The following ZNF497 variants were observed in gnomAD, a reference collection of about 807,000 sequenced individuals.
The protein encoded by ZNF497 is zinc finger-like protein.
For synonymous variants in ZNF497, 422 were observed against 313.7 expected (o/e 1.35, Z -3.65); for missense variants, 930 against 714.0 (o/e 1.30, Z -3.45).
In ZNF497 at chr19:58,356,598, C is replaced by CAGGAAATT. The variant is rs1402391828; in HGVS notation, c.1037_1038insAATTTCCT (p.Glu347IlefsTer31). On this transcript the variant is annotated frameshift_variant, in exon 3 of 3. Transcript: ENST00000311044. LOFTEE classifies it low-confidence loss of function (END_TRUNC). ...CGCCCGTGTGCACGCGCCGGTGCTC[C>CAGGAAATT]GCCAGGTAGGAGCCCATGACGAAAG... The CAGGAAATT allele has an allele frequency of 1.3e-6, 2 of 1,545,454 alleles. No individual in the cohort carries two copies. Among genetic ancestry groups the CAGGAAATT allele is most frequent in the African/African-American group, 1.4e-5 (1 of 72,966 alleles).
rs768977500 is a variant in ZNF497, at chr19:58,356,915, T to A, written c.721A>T (p.Thr241Ser). 6.3e-7 allele frequency: 1 copy of A among 1,593,540 alleles called. No individual in the cohort carries two copies. Among genetic ancestry groups the A allele is most frequent in the Admixed American group, 1.7e-5 (1 of 57,816 alleles). ...CGGCAGGCGTGCGGCCGCGCGCCCG[T>A]GTGCACGCGCCGGTGCTCCAGGAAA... Reference protein sequence around the residue: ...SNFLEHRRVHTGARPHACRDC... With the variant: ...SNFLEHRRVHSGARPHACRDC... Residue 241 changes from threonine to serine, a missense_variant, in exon 3 of 3, where the codon ACG becomes TCG. By Grantham distance (58) the Thr-to-Ser change is moderately conservative. Coordinates refer to ENST00000311044, the MANE Select transcript of ZNF497 (RefSeq NM_198458.3).
chr19:58,360,767 C>CTTTTTTT lies in ZNF497; in HGVS notation c.-112+1903_-112+1909dup, dbSNP rs551580074. On this transcript the variant is annotated intron_variant, in intron 1 of 2. Transcript: ENST00000311044. Reference sequence around the variant, plus strand: ...ATGTTGGCCAGGCTGGTCCCGAACTCTTTTTTTTTTTTTTTTTTTTTTTTT... The same window carrying CTTTTTTT: ...ATGTTGGCCAGGCTGGTCCCGAACTCTTTTTTTTTTTTTTTTTTTTTTTTTTTTTTTT... Among the ~76,000 whole-genome samples the CTTTTTTT allele has an allele frequency of 5.8e-4, 20 of 34,528 alleles. 8 individuals carry two copies. Among genetic ancestry groups the CTTTTTTT allele is most frequent in the Admixed American group, 9.3e-4 (2 of 2,142 alleles). 22.7% of individuals were successfully genotyped at this position (34,528 alleles called of 152,430 possible).
At chr19:58,359,179 G>A (rs1159547110) in intron 1 of ZNF497, 4 of 1,290,554 alleles carry the variant, frequency 3.1e-6, no homozygotes, top group Non-Finnish European at 4.0e-6. Flanking sequence ...CAGGGCTCTT[G>A]GAGCTGGGCT....
rs939638043 is a variant in ZNF497, at chr19:58,357,312, G to T, written c.324C>A (p.Cys108Ter). The T allele has an allele frequency of 2.5e-6, 4 of 1,606,712 alleles. No homozygotes were observed. The African/African-American group carries it at 4.0e-5, about 16-fold the overall frequency. ...SPLPEEPGCR[C>*]GECGKAFSQG... is the part of the protein sequence containing the mutation. ...GGCTGAACGCCTTGCCGCACTCCCCGCACCGGCAGCCCGGCTCCTCTGGGA... is the reference window on the plus strand; with the variant it reads ...GGCTGAACGCCTTGCCGCACTCCCCTCACCGGCAGCCCGGCTCCTCTGGGA... The change falls in exon 3 of 3, where the codon TGC becomes TGA. Residue 108 changes from cysteine (C) to a stop codon, truncating the protein, a stop_gained. Coordinates refer to ENST00000311044, the MANE Select transcript of ZNF497 (RefSeq NM_198458.3). LOFTEE classifies it low-confidence loss of function (END_TRUNC).
At chr19:58,361,674 C>G (rs978854448) in intron 1 of ZNF497, among the ~76,000 whole-genome samples, 1 of 152,100 alleles carries the variant, frequency 6.6e-6, no homozygotes, top group Non-Finnish European at 1.5e-5. Flanking sequence ...TTTCAAGATG[C>G]CACCTTTAGG....
chr19:58,360,796 T>TTG (rs2052084487), intron 1 of ZNF497, among the ~76,000 whole-genome samples: 2 of 129,158 alleles, frequency 1.5e-5, no homozygotes, highest in Non-Finnish European at 3.3e-5. Context: ...TTTTTTTTTT[T>TTG]TTTTGAGAAG....
In ZNF497 at chr19:58,354,507, G is replaced by A. The variant is rs545554762; in HGVS notation, c.*1632C>T. The stretch of plus-strand genomic sequence containing the variant: ...AGTGAGAAGGAGCAGAGGAGACCAG[G>A]AGTTGAGGCGACTGCAGAGCGATTG... On this transcript the variant is annotated 3_prime_UTR_variant, in exon 3 of 3. Coordinates refer to ENST00000311044, the MANE Select transcript of ZNF497 (RefSeq NM_198458.3). The A allele has an allele frequency of 6.6e-6, 1 of 152,520 alleles. No individual in the cohort carries two copies. Among genetic ancestry groups the A allele is most frequent in the African/African-American group, 2.4e-5 (1 of 41,586 alleles). The allele number at this position is 152,520 out of a possible 1,614,324, so 9.4% of individuals were successfully genotyped here.
Position 58,362,688 on chromosome 19 carries a change from C to T in ZNF497, c.-123G>A, listed in dbSNP as rs985537386. ...TCGGCGTCACTCACCGTCCTCGGCC[C>T]GCCTCTGCGTCCACTAGGAGCGGCC... is the stretch of plus-strand genomic sequence containing the variant. On this transcript the variant is annotated 5_prime_UTR_variant, in exon 1 of 3. Transcript: ENST00000311044. The T allele has an allele frequency of 2.0e-5, 3 of 152,130 alleles. No homozygotes were observed. The highest frequency in any genetic ancestry group is 7.2e-5 in the African/African-American group (3 of 41,446). 9.4% of individuals were successfully genotyped at this position (152,130 alleles called of 1,614,324 possible). A position where few individuals can be genotyped will look rare whatever the true frequency, so the allele number is the denominator to read the frequency against.
rs200449577 is a variant in ZNF497 at position 58,356,799 on chromosome 19, G to A, written c.837C>T (p.Cys279=). 9.4e-4 allele frequency: 1,486 copies of A among 1,578,866 alleles called. 18 individuals carry two copies. In the African/African-American group the frequency reaches 0.018, roughly 19 times the overall value. Residue 279 remains cysteine, a synonymous_variant, in exon 3 of 3, where the codon TGC becomes TGT. Coordinates refer to ENST00000311044, the MANE Select transcript of ZNF497 (RefSeq NM_198458.3). The part of the protein sequence containing the change: ...AGARPHACPD[C]GKAFVRVAGL... ...CCGCCACACGCACGAAGGCCTTGCC[G>A]CAGTCGGGACAGGCGTGTGGCCGTG...
intron 1 of ZNF497, among the ~76,000 whole-genome samples, chr19:58,360,250 C>T (rs1682332771): frequency 6.6e-6 from 1 of 152,038 alleles, no homozygotes; most frequent in Non-Finnish European, 1.5e-5. Flanking sequence ...ACTGAATATA[C>T]CAAAAACCAC....
Position 58,357,570 on chromosome 19 carries a change from C to G in ZNF497, c.66G>C (p.Val22=). 2.5e-6 allele frequency: 4 copies of G among 1,596,746 alleles called. No individual in the cohort carries two copies. Among genetic ancestry groups the G allele is most frequent in the Non-Finnish European group, 3.4e-6 (4 of 1,172,386 alleles). Residue 22 remains valine, a synonymous_variant, in exon 3 of 3, where the codon GTG becomes GTC. Transcript: ENST00000311044. ...APEEGQVLCN[V]KTATRGLSEG... is the part of the protein sequence containing the mutation. Reference sequence around the variant, plus strand: ...CAGAGAGGCCCCTCGTGGCAGTCTTCACATTGCAGAGGACCTGGCCTTCCT... The same window carrying G: ...CAGAGAGGCCCCTCGTGGCAGTCTTGACATTGCAGAGGACCTGGCCTTCCT...
chr19:58,356,611 C>T lies in ZNF497; in HGVS notation c.1025G>A (p.Gly342Asp), dbSNP rs1211946849. The change falls in exon 3 of 3, where the codon GGC becomes GAC. Residue 342 changes from glycine (G) to aspartate (D), a missense_variant. Transcript: ENST00000311044. ...CAECGQAFVM[G>D]SYLAEHRRVH... ...GCGCCGGTGCTCCGCCAGGTAGGAG[C>T]CCATGACGAAAGCCTGGCCGCACTC... 1.3e-6 allele frequency: 2 copies of T among 1,540,794 alleles called. No individual in the cohort carries two copies. The highest frequency in any genetic ancestry group is 1.2e-5 in the South Asian group (1 of 84,540).
rs535537584 is a variant in ZNF497 at position 58,356,325 on chromosome 19, A to G, written c.1311T>C (p.Ser437=). Residue 437 remains serine (S), a synonymous_variant, in exon 3 of 3, where the codon TCT becomes TCC. Transcript: ENST00000311044. The part of the protein sequence containing the change: ...SELRQHQRLH[S]GERPFVCAHC... ...GGGCGCAGACGAACGGCCTCTCGCCAGAGTGCAGGCGCTGGTGCTGGCGCA... is the reference window on the plus strand; with the variant it reads ...GGGCGCAGACGAACGGCCTCTCGCCGGAGTGCAGGCGCTGGTGCTGGCGCA... 3.2e-6 allele frequency: 5 copies of G among 1,572,558 alleles called. No individual in the cohort carries two copies. The highest frequency in any genetic ancestry group is 3.7e-5 in the Admixed American group (2 of 53,944).
rs753411405 is a variant in ZNF497, at chr19:58,356,305, C to T, written c.1331G>A (p.Cys444Tyr). ...RLHSGERPFV[C>Y]AHCSKAFVRK... ...CACGAAGGCCTTGCTGCAGTGGGCG[C>T]AGACGAACGGCCTCTCGCCAGAGTG... is the stretch of plus-strand genomic sequence containing the variant. Residue 444 changes from cysteine (C) to tyrosine (Y), a missense_variant, in exon 3 of 3, where the codon TGC becomes TAC. Transcript: ENST00000311044. 102 of 1,585,710 alleles carry T rather than the reference C, an allele frequency of 6.4e-5. No homozygotes were observed. Among genetic ancestry groups the T allele is most frequent in the Non-Finnish European group, 8.3e-5 (97 of 1,167,574 alleles).
rs2052016574 is a variant in ZNF497, at chr19:58,356,247, C to A, written c.1389G>T (p.Thr463=). 1 of 1,606,128 alleles carries A rather than the reference C, an allele frequency of 6.2e-7. No homozygotes were observed. The highest frequency in any genetic ancestry group is 8.5e-7 in the Non-Finnish European group (1 of 1,176,954). The change falls in exon 3 of 3, where the codon ACG becomes ACT. Residue 463 remains threonine, a synonymous_variant. Transcript: ENST00000311044. ...AAGCGTAGGGCCTCTCGCCCGTGTG[C>A]GTGCGCCGGTGGCTTAAGAGCTCCG... The part of the protein sequence containing the change: ...RKSELLSHRR[T]HTGERPYACG...
Position 58,356,733 on chromosome 19 carries a change from G to A in ZNF497, c.903C>T (p.Pro301=). Residue 301 remains proline (P), a synonymous_variant, in exon 3 of 3, where the codon CCC becomes CCT. Transcript: ENST00000311044. Reference sequence around the variant, plus strand: ...CCTTTCCGCACTCGGCGCAGGGGAAGGGCTTCTCGCTGCTGTGCGTGCGCC... The same window carrying A: ...CCTTTCCGCACTCGGCGCAGGGGAAAGGCTTCTCGCTGCTGTGCGTGCGCC... ...QHRRTHSSEK[P]FPCAECGKAF... 1.3e-6 allele frequency: 2 copies of A among 1,571,628 alleles called. No individual in the cohort carries two copies. Among genetic ancestry groups the A allele is most frequent in the Non-Finnish European group, 1.7e-6 (2 of 1,165,540 alleles).
chr19:58,357,070 G>T lies in ZNF497; in HGVS notation c.566C>A (p.Pro189His). The stretch of plus-strand genomic sequence containing the variant: ...CTTGCCGCAGTCCGGGCAGCGGAAG[G>T]GCTTCAGGCCGCTGTGTGTCTCCTG... ...HHQETHSGLKPFRCPDCGKSF... is the reference protein window; with the variant it reads ...HHQETHSGLKHFRCPDCGKSF... The change falls in exon 3 of 3, where the codon CCC becomes CAC. Residue 189 changes from proline (P) to histidine (H), a missense_variant. Physicochemically the swap from Pro to His is moderately conservative, Grantham distance 77 (BLOSUM62 -2). Coordinates refer to ENST00000311044, the MANE Select transcript of ZNF497 (RefSeq NM_198458.3). 1 of 1,611,164 alleles carries T rather than the reference G, an allele frequency of 6.2e-7. No homozygotes were observed. Among genetic ancestry groups the T allele is most frequent in the Middle Eastern group, 1.7e-4 (1 of 6,060 alleles).
intron 1 of ZNF497, among the ~76,000 whole-genome samples, chr19:58,362,265 G>A (rs926261932): frequency 1.3e-5 from 2 of 152,244 alleles, no homozygotes; most frequent in Non-Finnish European, 2.9e-5. Flanking sequence ...GCCTGTGCGG[G>A]CAGCTCCGGA....
At chr19:58,362,614 G>C (rs937089598) in intron 1 of ZNF497, 63 bp downstream of exon 1, 2 of 152,188 alleles carry the variant, frequency 1.3e-5, no homozygotes, top group African/African-American at 4.8e-5. Context: ...CCGCGCGGCG[G>C]GAGTGGTTGG....
Sources: allele counts gnomAD v4.1 joint callset (sites outside exome capture counted in the v4.1 genomes callset), GRCh38; gene constraint gnomAD v4.1.1; transcripts MANE v1.5; gene names NCBI Gene and HGNC (gene_info 2026-07-23, HGNC 2026-07-21).